Variants in INPP4B observed in about 807,000 individuals in gnomAD.
INPP4B encodes the protein inositol polyphosphate-4-phosphatase type II B.
Under a neutral mutation model 122.5 loss-of-function variants are expected in INPP4B, and 55 were observed. The observed-to-expected ratio is 0.45, with a 90% CI of 0.36 to 0.56. The LOEUF (loss-of-function observed/expected upper bound fraction) is 0.56. Among genes scored for constraint, INPP4B ranks in the 20% least tolerant of loss-of-function variants. The pLI is 0.00. For synonymous variants in INPP4B, 403 were observed against 388.7 expected (o/e 1.04, Z -0.43); for missense variants, 1,000 against 1,097.7 (o/e 0.91, Z 1.26).
At chr4:142,444,404 A>G (rs1411955366) in intron 3 of INPP4B, among the ~76,000 whole-genome samples, 1 of 152,192 alleles carries the variant, frequency 6.6e-6, no homozygotes, top group Non-Finnish European at 1.5e-5. Context: ...CAACATGAAA[A>G]AAACCTCATC....
At chr4:142,192,471 C>A (rs1277162912) in intron 15 of INPP4B, among the ~76,000 whole-genome samples, 3 of 151,432 alleles carry the variant, frequency 2.0e-5, no homozygotes, top group Non-Finnish European at 4.4e-5. Flanking sequence ...TATAGGATAA[C>A]CCCAACTGAT....
intron 2 of INPP4B, among the ~76,000 whole-genome samples, chr4:142,467,322 C>A (rs1817971473): frequency 6.6e-6 from 1 of 152,176 alleles, no homozygotes. Context: ...CTTCCTCAGG[C>A]CATGAGAGTC....
intron 2 of INPP4B, among the ~76,000 whole-genome samples, chr4:142,645,531 T>A (rs1197319178): frequency 6.6e-6 from 1 of 152,220 alleles, no homozygotes; most frequent in Non-Finnish European, 1.5e-5. Flanking sequence ...TAGAATGTGA[T>A]GTTTGCAACT....
At position 142,824,314 on chromosome 4, in the gene INPP4B, A is replaced by ATCTATCTATCTATCTCTATC. The variant is rs70949192; in HGVS notation, c.-254+21894_-254+21895insGATAGAGATAGATAGATAGA. Among the ~76,000 whole-genome samples, 896 of 150,728 alleles carry ATCTATCTATCTATCTCTATC rather than the reference A, an allele frequency of 5.9e-3. 15 individuals are homozygous for ATCTATCTATCTATCTCTATC. Among genetic ancestry groups the ATCTATCTATCTATCTCTATC allele is most frequent in the African/African-American group, 0.021 (831 of 40,388 alleles). ...CTATCTATTATCTATCTGTCTATCTATCTATCTCTATCTCTATCTCTATCT... is the reference window on the plus strand; with the variant it reads ...CTATCTATTATCTATCTGTCTATCTATCTATCTATCTATCTCTATCTCTATCTCTATCTCTATCTCTATCT... On this transcript the variant is annotated intron_variant, in intron 1 of 25. Transcript: ENST00000262992.
At chr4:142,479,812 G>A (rs1165703567) in intron 2 of INPP4B, among the ~76,000 whole-genome samples, 1 of 152,114 alleles carries the variant, frequency 6.6e-6, no homozygotes, top group Non-Finnish European at 1.5e-5. Flanking sequence ...ATTTGAGAAT[G>A]GAGGGTGGGA....
chr4:142,252,901 T>C (rs1048820397), intron 11 of INPP4B, among the ~76,000 whole-genome samples: 4 of 152,166 alleles, frequency 2.6e-5, no homozygotes, highest in Non-Finnish European at 5.9e-5. Flanking sequence ...TCTGAGAAAG[T>C]AGTCATTAGG....
intron 7 of INPP4B, among the ~76,000 whole-genome samples, chr4:142,400,399 C>T (rs1221615687): frequency 6.6e-6 from 1 of 152,114 alleles, no homozygotes; most frequent in Non-Finnish European, 1.5e-5. Context: ...ACCATCTCAT[C>T]TCTTATGCCT....
At chr4:142,095,211 A>G (rs1781305749) in intron 23 of INPP4B, among the ~76,000 whole-genome samples, 1 of 152,138 alleles carries the variant, frequency 6.6e-6, no homozygotes, top group Non-Finnish European at 1.5e-5. Context: ...GAATTGGGAG[A>G]ATGATAAAAT....
chr4:142,059,143 CA>C, intron 25 of INPP4B, among the ~76,000 whole-genome samples: 1 of 152,092 alleles, frequency 6.6e-6, no homozygotes, highest in East Asian at 1.9e-4. Flanking sequence ...TATTTATTGT[CA>C]ATACAACCCA....
intron 10 of INPP4B, among the ~76,000 whole-genome samples, chr4:142,269,351 G>A (rs761824822): frequency 6.6e-6 from 1 of 151,326 alleles, no homozygotes; most frequent in South Asian, 2.1e-4. Flanking sequence ...TTTACATATC[G>A]GAGTCCTCAA....
chr4:142,165,394 C>T (rs1316220978), intron 16 of INPP4B, among the ~76,000 whole-genome samples: 3 of 151,654 alleles, frequency 2.0e-5, no homozygotes, highest in African/African-American at 7.3e-5. Context: ...TTCTACATTC[C>T]ATAGGGATAC....
intron 7 of INPP4B, among the ~76,000 whole-genome samples, chr4:142,351,573 G>C (rs1019224516): frequency 6.6e-6 from 1 of 151,920 alleles, no homozygotes; most frequent in Admixed American, 6.6e-5. Context: ...CTGGGACTTG[G>C]ACTCAGTTAT....
chr4:142,530,733 G>T (rs930041438), intron 2 of INPP4B, among the ~76,000 whole-genome samples: 10 of 152,132 alleles, frequency 6.6e-5, no homozygotes, highest in African/African-American at 2.2e-4. Context: ...TGAATAAAGT[G>T]AAGGAACAAA....
intron 8 of INPP4B, among the ~76,000 whole-genome samples, chr4:142,314,105 G>A (rs16998530): frequency 0.11 from 16,286 of 152,114 alleles, 1,003 homozygotes; most frequent in Middle Eastern, 0.2. Flanking sequence ...ACAGATCGCA[G>A]GGATTCAGCC....
chr4:142,177,691 G>A (rs1828951910), intron 15 of INPP4B, among the ~76,000 whole-genome samples: 1 of 151,656 alleles, frequency 6.6e-6, no homozygotes, highest in Admixed American at 6.6e-5. Context: ...ATTTTCATAA[G>A]AATGCACACC....
intron 20 of INPP4B, among the ~76,000 whole-genome samples, 180 bp from the exon 21 acceptor site, chr4:142,122,425 A>G (rs2152750168): frequency 6.6e-6 from 1 of 152,238 alleles, no homozygotes; most frequent in Non-Finnish European, 1.5e-5. Flanking sequence ...AATGAGAACC[A>G]TTTCAATGGA....
At chr4:142,426,191 C>T (rs567632410) in intron 5 of INPP4B, among the ~76,000 whole-genome samples, 23 of 151,862 alleles carry the variant, frequency 1.5e-4, no homozygotes, top group Admixed American at 4.6e-4. Context: ...TAAGTGGAGG[C>T]GAATAATTAA....
intron 5 of INPP4B, among the ~76,000 whole-genome samples, chr4:142,410,825 T>C (rs1021451455): frequency 2.0e-5 from 3 of 152,234 alleles, no homozygotes; most frequent in African/African-American, 4.8e-5. Flanking sequence ...AATATATAGT[T>C]ATACTGTGCA....
intron 2 of INPP4B, among the ~76,000 whole-genome samples, chr4:142,532,716 A>G (rs763699575): frequency 4.6e-5 from 7 of 152,208 alleles, no homozygotes; most frequent in Non-Finnish European, 7.3e-5. Context: ...CAAAAGAAGA[A>G]TGAGTATAAA....
Sources: gnomAD v4.1 joint callset for allele counts (sites outside exome capture counted in the v4.1 genomes callset) on GRCh38, gnomAD v4.1.1 for gene constraint, MANE v1.5 for transcripts, NCBI Gene and HGNC (gene_info 2026-07-23, HGNC 2026-07-21) for gene names.